RALYL: variants seen among roughly 807,000 people sequenced by gnomAD.
The protein encoded by RALYL is RNA-binding Raly-like protein.
Under a neutral mutation model 35.1 loss-of-function variants are expected in RALYL, and 29 were observed. That is an observed-to-expected ratio of 0.83 (90% CI 0.61 to 1.13). The LOEUF is 1.13. Ranked by LOEUF, RALYL falls within the 50% of genes most tolerant of loss-of-function variation. The pLI is 0.00. For synonymous variants in RALYL, 120 were observed against 127.6 expected, an observed-to-expected ratio of 0.94 and a Z score of 0.40; for missense variants, 359 against 360.4, an observed-to-expected ratio of 1.00 and a Z score of 0.03.
chr8:84,788,155 T>G (rs1819975220), intron 3 of RALYL, among the ~76,000 whole-genome samples: 1 of 152,198 alleles, frequency 6.6e-6, no homozygotes, highest in African/African-American at 2.4e-5. Context: ...GTTTTAGGTC[T>G]TATGTTTAAG....
intron 2 of RALYL, among the ~76,000 whole-genome samples, chr8:84,626,757 G>T (rs776449231): frequency 2.0e-5 from 3 of 152,168 alleles, no homozygotes; most frequent in Non-Finnish European, 2.9e-5. Context: ...GTGATTGACT[G>T]TACACAAGTA....
intron 2 of RALYL, among the ~76,000 whole-genome samples, chr8:84,586,948 G>T (rs931837398): frequency 6.6e-6 from 1 of 151,960 alleles, no homozygotes; most frequent in Non-Finnish European, 1.5e-5. Flanking sequence ...GAGCAACATG[G>T]GTGTCTCAAC....
At chr8:84,480,370 G>T (rs558571524) in intron 1 of RALYL, among the ~76,000 whole-genome samples, 5 of 152,196 alleles carry the variant, frequency 3.3e-5, no homozygotes, top group South Asian at 4.1e-4. Flanking sequence ...TGCTTCTAAT[G>T]ATCTTACCTC....
chr8:84,847,329 G>A (rs918813896), intron 4 of RALYL, among the ~76,000 whole-genome samples: 1 of 152,156 alleles, frequency 6.6e-6, no homozygotes, highest in African/African-American at 2.4e-5. Flanking sequence ...AGCCATTCAG[G>A]GCTGGGAATT....
chr8:84,320,353 T>C (rs1844570346), intron 1 of RALYL, among the ~76,000 whole-genome samples: 2 of 151,730 alleles, frequency 1.3e-5, no homozygotes, highest in African/African-American at 2.4e-5. Context: ...TCTCTCACCA[T>C]ATATATATAT....
At chr8:84,356,387 A>G (rs565098361) in intron 1 of RALYL, among the ~76,000 whole-genome samples, 1 of 150,566 alleles carries the variant, frequency 6.6e-6, no homozygotes, top group African/African-American at 2.5e-5. Flanking sequence ...AAGAAGATCA[A>G]GAGGGTAGTT....
chr8:84,645,316 T>C (rs368145074), intron 2 of RALYL, among the ~76,000 whole-genome samples: 2 of 151,900 alleles, frequency 1.3e-5, no homozygotes, highest in South Asian at 2.1e-4. Flanking sequence ...TATATATTTA[T>C]ACTATATTTA....
At chr8:84,534,793 G>A (rs903485493) in intron 2 of RALYL, among the ~76,000 whole-genome samples, 7 of 152,168 alleles carry the variant, frequency 4.6e-5, no homozygotes, top group Non-Finnish European at 7.3e-5. Context: ...GCTAAGCGAA[G>A]GCAAAGTGAT....
At chr8:84,530,804 C>G (rs1454804837) in intron 2 of RALYL, among the ~76,000 whole-genome samples, 2 of 152,186 alleles carry the variant, frequency 1.3e-5, no homozygotes, top group African/African-American at 2.4e-5. Context: ...GCCACATCTT[C>G]AATTCTATCT....
intron 4 of RALYL, among the ~76,000 whole-genome samples, chr8:84,826,200 T>C (rs549943837): frequency 6.7e-6 from 1 of 149,738 alleles, no homozygotes; most frequent in African/African-American, 2.5e-5. Context: ...TTGGGTACCA[T>C]GCTCACTAGG....
At chr8:84,855,642 G>T (rs559006316) in intron 5 of RALYL, among the ~76,000 whole-genome samples, 31 of 152,200 alleles carry the variant, frequency 2.0e-4, no homozygotes, top group African/African-American at 6.5e-4. Context: ...TACATTAAAC[G>T]TAAGTATTTA....
chr8:84,638,615 TAGG>T (rs1281751035), intron 2 of RALYL, among the ~76,000 whole-genome samples: 3 of 151,222 alleles, frequency 2.0e-5, no homozygotes. Context: ...AGAAACAAAG[TAGG>T]AGATTAATAG....
intron 2 of RALYL, among the ~76,000 whole-genome samples, chr8:84,650,786 A>G (rs1160985982): frequency 2.9e-4 from 44 of 151,838 alleles, no homozygotes; most frequent in Non-Finnish European, 4.4e-4. Flanking sequence ...TGTTTATTGC[A>G]GCACTATTCA....
At chr8:84,796,872 G>A (rs769826241) in intron 3 of RALYL, among the ~76,000 whole-genome samples, 1 of 152,234 alleles carries the variant, frequency 6.6e-6, no homozygotes, top group African/African-American at 2.4e-5. Flanking sequence ...GGGCCAGATA[G>A]ATGAAATATA....
intron 1 of RALYL, among the ~76,000 whole-genome samples, chr8:84,223,584 T>G (rs13439120): frequency 0.4 from 59,889 of 151,510 alleles, 11,927 homozygotes; most frequent in Non-Finnish European, 0.43. Context: ...AGTTGGTTAT[T>G]GCCTTAATCT....
chr8:84,185,547 T>G (rs954769755), intron 1 of RALYL, among the ~76,000 whole-genome samples: 2 of 152,174 alleles, frequency 1.3e-5, no homozygotes, highest in Non-Finnish European at 2.9e-5. Context: ...CTGCTGGAAA[T>G]TTTTCTGTCC....
intron 7 of RALYL, 126 bp from the exon 8 acceptor site, chr8:84,887,478 C>T (rs1019778503): frequency 2.2e-5 from 15 of 676,406 alleles, no homozygotes; most frequent in Admixed American, 3.5e-5. Context: ...CATAATATTA[C>T]CTTACCTTCT....
chr8:84,538,378 T>G lies in RALYL; in HGVS notation c.256+8801T>G, dbSNP rs554866408. Reference sequence around the variant, plus strand: ...CTACAAAGCTAAATAATATATAAAATAAATAGAAAAAATCAGTGTCTCAAG... The same window carrying G: ...CTACAAAGCTAAATAATATATAAAAGAAATAGAAAAAATCAGTGTCTCAAG... On this transcript the variant is annotated intron_variant, in intron 2 of 8. Coordinates refer to ENST00000521268, the MANE Select transcript of RALYL (RefSeq NM_173848.7). Among the ~76,000 whole-genome samples the G allele has an allele frequency of 3.9e-5, 6 of 152,186 alleles. No individual in the cohort carries two copies. In the East Asian group the frequency reaches 9.6e-4, roughly 24 times the overall value.
intron 2 of RALYL, among the ~76,000 whole-genome samples, chr8:84,735,220 C>T (rs1405553407): frequency 6.6e-6 from 1 of 151,824 alleles, no homozygotes; most frequent in Non-Finnish European, 1.5e-5. Context: ...GACACTTATT[C>T]CTCCAGTACT....
Sources: gnomAD v4.1 joint callset for allele counts (sites outside exome capture counted in the v4.1 genomes callset) on GRCh38, gnomAD v4.1.1 for gene constraint, MANE v1.5 for transcripts, NCBI Gene and HGNC (gene_info 2026-07-23, HGNC 2026-07-21) for gene names.